CIT: variants seen among roughly 807,000 people sequenced by gnomAD.
The protein encoded by CIT is citron Rho-interacting kinase.
A neutral mutation model predicts 272.7 loss-of-function variants in CIT; 79 were observed. That is an observed-to-expected ratio of 0.29 (90% CI 0.24 to 0.35). CIT has a LOEUF of 0.35. Among genes scored for constraint, CIT ranks in the 10% least tolerant of loss-of-function variants. CIT has a pLI of 1.00. For missense variants in CIT, 1,909 were observed against 2,618.3 expected, an observed-to-expected ratio of 0.73 and a Z score of 5.91; for synonymous variants, 948 against 995.6, an observed-to-expected ratio of 0.95 and a Z score of 0.90.
chr12:119,713,468 C>A lies in CIT; in HGVS notation c.4487G>T (p.Arg1496Met). ...LHLEGWMKVP[R>M]NNKRGQQGWD... ...AGCCCAAGCCACCCTGACATGGTACCTGGGCACCTTCATCCACCCTTCCAG... is the reference window on the plus strand; with the variant it reads ...AGCCCAAGCCACCCTGACATGGTACATGGGCACCTTCATCCACCCTTCCAG... Residue 1496 changes from arginine (R) to methionine (M), a missense_variant and splice_region_variant, in exon 34 of 48, where the codon AGG (arginine) becomes ATG (methionine). By Grantham distance (91) the Arg-to-Met change is moderately conservative. This residue lies in a region of CIT where 780 missense variants were observed against 1,067.2 expected (regional missense o/e 0.73). Transcript: ENST00000392521. The surrounding 1 kb of genome is among the most constrained non-coding windows in gnomAD (Gnocchi z 5.2). The A allele has an allele frequency of 6.2e-7, 1 of 1,613,868 alleles. No individual in the cohort carries two copies. The highest frequency in any genetic ancestry group is 8.5e-7 in the Non-Finnish European group (1 of 1,179,846).
intron 1 of CIT, 81 bp downstream of exon 1, chr12:119,877,168 G>A (rs1344539693): frequency 1.3e-5 from 2 of 152,456 alleles, no homozygotes; most frequent in African/African-American, 4.8e-5. Flanking sequence ...GGAAACCCGG[G>A]ACTTGTATGG....
intron 23 of CIT, 200 bp from the exon 24 acceptor site, chr12:119,742,664 CAATT>C (rs1959115628): frequency 2.1e-6 from 1 of 485,606 alleles, no homozygotes; most frequent in Non-Finnish European, 3.6e-6. Context: ...GTGTTAATAA[CAATT>C]AATTCTTTAG....
At chr12:119,688,364 A>G (rs574999779) in intron 47 of CIT, 109 bp from the exon 48 acceptor site, 117 of 1,111,320 alleles carry the variant, frequency 1.1e-4, no homozygotes, top group Non-Finnish European at 5.5e-6. Context: ...CCCCTTCAGC[A>G]GCTAGCAGTG....
chr12:119,689,353 G>A (rs1453627715), intron 47 of CIT, among the ~76,000 whole-genome samples: 1 of 151,478 alleles, frequency 6.6e-6, no homozygotes, highest in Admixed American at 6.6e-5. Flanking sequence ...CTGCACTCCA[G>A]CCTGGGGTAA....
Position 119,804,208 on chromosome 12 carries a change from C to A in CIT, c.1112-819G>T. 9.1e-6 allele frequency: 9 copies of A among 985,524 alleles called. No homozygotes were observed. Among genetic ancestry groups the A allele is most frequent in the Non-Finnish European group, 1.1e-5 (9 of 830,034 alleles). The allele number at this position is 985,524 out of a possible 1,614,324, so 61.0% of individuals were successfully genotyped here. A position where few individuals can be genotyped will look rare whatever the true frequency, so the allele number is the denominator to read the frequency against. On this transcript the variant is annotated intron_variant, in intron 9 of 47. Coordinates refer to ENST00000392521, the MANE Select transcript of CIT (RefSeq NM_001206999.2). The surrounding 1 kb of genome is among the most constrained non-coding windows in gnomAD (Gnocchi z 5.3). ...GGCTGGGGGCGTGTTACATCCTCTC[C>A]ACTTCCTCCGACCTACTAAGCGCTC...
chr12:119,793,601 A>T (rs203355), intron 10 of CIT, among the ~76,000 whole-genome samples: 9,799 of 152,136 alleles, frequency 0.064, 983 homozygotes, highest in African/African-American at 0.22. Context: ...ATCCTTAAGT[A>T]CCCCCTACCC....
At chr12:119,817,624 A>G (rs1190055183) in intron 9 of CIT, among the ~76,000 whole-genome samples, 2 of 152,134 alleles carry the variant, frequency 1.3e-5, no homozygotes, top group Non-Finnish European at 2.9e-5. Context: ...AGCTCTATTC[A>G]AGCAAAAGAC....
At position 119,712,476 on chromosome 12, in the gene CIT, G is replaced by T; in HGVS notation, c.4684+115C>A. ...CCAGTTACCGCCAAGGCGGGGAGCG[G>T]AGGAAGATGGGCCTCCTTTGCAGAG... On this transcript the variant is annotated intron_variant, in intron 36 of 47. Coordinates refer to ENST00000392521, the MANE Select transcript of CIT (RefSeq NM_001206999.2). This position sits in a 1 kb window ranked among gnomAD's most constrained non-coding sequence, Gnocchi z 5.2. 7.2e-7 allele frequency: 1 copy of T among 1,392,786 alleles called. No homozygotes were observed. Among genetic ancestry groups the T allele is most frequent in the Non-Finnish European group, 1.0e-6 (1 of 1,002,170 alleles). The allele number at this position is 1,392,786 out of a possible 1,614,324, so 86.3% of individuals were successfully genotyped here.
intron 41 of CIT, among the ~76,000 whole-genome samples, chr12:119,702,494 T>C (rs1339699068): frequency 1.3e-5 from 2 of 152,096 alleles, no homozygotes; most frequent in Admixed American, 6.6e-5. Flanking sequence ...GAGACCAGTG[T>C]AGCCAACATG....
chr12:119,824,892 G>A (rs532914833), intron 8 of CIT, among the ~76,000 whole-genome samples: 11 of 152,152 alleles, frequency 7.2e-5, no homozygotes, highest in Non-Finnish European at 1.5e-4. Context: ...TCCGCCTCCC[G>A]GGTTCATGCC....
chr12:119,753,411 TGGG>T (rs1286494224), intron 22 of CIT, among the ~76,000 whole-genome samples: 1 of 152,028 alleles, frequency 6.6e-6, no homozygotes, highest in African/African-American at 2.4e-5. Flanking sequence ...GAATTTGATG[TGGG>T]GCAGAGAACA....
At chr12:119,743,608 T>C (rs1244319389) in intron 23 of CIT, among the ~76,000 whole-genome samples, 5 of 152,250 alleles carry the variant, frequency 3.3e-5, no homozygotes, top group African/African-American at 4.8e-5. Flanking sequence ...AGGTCTGTTA[T>C]AGGAAACTTC....
chr12:119,724,786 A>C (rs1957992455), intron 28 of CIT, among the ~76,000 whole-genome samples: 1 of 152,020 alleles, frequency 6.6e-6, no homozygotes, highest in Non-Finnish European at 1.5e-5. Flanking sequence ...AAAAATACAA[A>C]AAATTAGCCG....
intron 40 of CIT, among the ~76,000 whole-genome samples, chr12:119,707,059 TG>T (rs1164803326): frequency 1.3e-5 from 2 of 151,730 alleles, no homozygotes; most frequent in African/African-American, 4.9e-5. Flanking sequence ...AACTTTGTTA[TG>T]TAAATGTCAT....
intron 26 of CIT, among the ~76,000 whole-genome samples, chr12:119,731,320 CA>C (rs1593509914): frequency 6.6e-6 from 1 of 151,110 alleles, no homozygotes; most frequent in East Asian, 2.0e-4. Context: ...ACAAAAGATA[CA>C]AAAAATTAGC....
intron 28 of CIT, among the ~76,000 whole-genome samples, chr12:119,724,914 G>C (rs534005351): frequency 8.8e-6 from 1 of 113,304 alleles, no homozygotes; most frequent in East Asian, 3.1e-4. Context: ...CTGGGCGACA[G>C]AGCGAGACTC....
intron 44 of CIT, chr12:119,699,807 A>C (rs773907818): frequency 4.4e-6 from 2 of 456,094 alleles, no homozygotes; most frequent in South Asian, 1.5e-5. Context: ...GAAGTCACTA[A>C]GCTTTCAGAT....
intron 4 of CIT, 41 bp from the exon 5 acceptor site, chr12:119,850,316 G>T: frequency 1.5e-6 from 2 of 1,311,990 alleles, no homozygotes; most frequent in African/African-American, 1.5e-5. Flanking sequence ...ATAAAGAACT[G>T]TGAGAGGAAA....
intron 28 of CIT, among the ~76,000 whole-genome samples, chr12:119,722,841 TC>T (rs1957871951): frequency 6.6e-6 from 1 of 152,064 alleles, no homozygotes; most frequent in Non-Finnish European, 1.5e-5. Flanking sequence ...CTCCCTCTCA[TC>T]CTCCCGTCTG....
Sources: allele counts gnomAD v4.1 joint callset (sites outside exome capture counted in the v4.1 genomes callset), GRCh38; gene constraint gnomAD v4.1.1; regional missense constraint gnomAD v4.1.1; non-coding constraint Gnocchi (gnomAD v3.1); transcripts MANE v1.5; gene names NCBI Gene and HGNC (gene_info 2026-07-23, HGNC 2026-07-21).